The following ATXN10 variants were observed in gnomAD, a reference collection of about 807,000 sequenced individuals.
ATXN10 encodes ataxin-10.
ATXN10 carries 28 observed loss-of-function variants against 52.9 expected under a neutral mutation model. The observed-to-expected ratio is 0.53, with a 90% CI of 0.39 to 0.73. ATXN10 has a LOEUF of 0.73. Among genes scored for constraint, ATXN10 ranks in the 30% least tolerant of loss-of-function variants. The pLI is 0.00. For synonymous variants in ATXN10, 226 were observed against 221.5 expected (o/e 1.02, Z -0.18); for missense variants, 565 against 577.0 (o/e 0.98, Z 0.21).
chr22:45,688,755 A>G lies in ATXN10; in HGVS notation c.117-957A>G, dbSNP rs1189647736. On this transcript the variant is annotated intron_variant, in intron 1 of 11. Coordinates refer to ENST00000252934, the MANE Select transcript of ATXN10 (RefSeq NM_013236.4). The surrounding 1 kb of genome is among the most constrained non-coding windows in gnomAD (Gnocchi z 4.0). The stretch of plus-strand genomic sequence containing the variant: ...CACTGTGAATCTACAGCGAGAGCAG[A>G]AGGAGAAAATTCATATGGTCTGAAT... Among the ~76,000 whole-genome samples, 1 of 152,212 alleles carries G rather than the reference A, an allele frequency of 6.6e-6. No individual in the cohort carries two copies.
intron 10 of ATXN10, among the ~76,000 whole-genome samples, chr22:45,829,273 A>G (rs529464143): frequency 6.6e-6 from 1 of 152,286 alleles, no homozygotes; most frequent in South Asian, 2.1e-4. Flanking sequence ...TCAACAGCAA[A>G]CATAACTCCA....
rs1036097771 is a variant in ATXN10, at chr22:45,759,356, A to G, written c.1173+18818A>G. 6.6e-6 allele frequency among the ~76,000 whole-genome samples: 1 copy of G among 152,196 alleles called. No homozygotes were observed. The highest frequency in any genetic ancestry group is 1.5e-5 in the Non-Finnish European group (1 of 68,032). On this transcript the variant is annotated intron_variant, in intron 9 of 11. Transcript: ENST00000252934. The surrounding 1 kb of genome is among the most constrained non-coding windows in gnomAD (Gnocchi z 5.4). ...GTGAAACCCTGTCTCTACTAAAAATACAAAAAGTAGCCGGGCGTGGTGGCG... is the reference window on the plus strand; with the variant it reads ...GTGAAACCCTGTCTCTACTAAAAATGCAAAAAGTAGCCGGGCGTGGTGGCG...
At chr22:45,756,999 G>A (rs1019568049) in intron 9 of ATXN10, among the ~76,000 whole-genome samples, 3 of 152,170 alleles carry the variant, frequency 2.0e-5, no homozygotes, top group African/African-American at 7.2e-5. Context: ...TGAGGAAGAG[G>A]GAAGGAGTGG....
chr22:45,781,365 C>A lies in ATXN10; in HGVS notation c.1174-25594C>A, dbSNP rs142442735. ...TAGGGAGCATGAACAACCAGCTCTG[C>A]CCAGCAGTAGTGAGGCACCCCTCTC... On this transcript the variant is annotated intron_variant, in intron 9 of 11. Coordinates refer to ENST00000252934, the MANE Select transcript of ATXN10 (RefSeq NM_013236.4). The surrounding 1 kb of genome is among the most constrained non-coding windows in gnomAD (Gnocchi z 4.2). Among the ~76,000 whole-genome samples the A allele has an allele frequency of 2.1e-3, 323 of 152,264 alleles. 1 individual carries two copies. The highest frequency in any genetic ancestry group is 3.7e-3 in the Non-Finnish European group (251 of 68,022).
rs1273734902 is a variant in ATXN10, at chr22:45,840,224, C to G, written c.1238-2767C>G. On this transcript the variant is annotated intron_variant, in intron 10 of 11. Transcript: ENST00000252934. This position sits in a 1 kb window ranked among gnomAD's most constrained non-coding sequence, Gnocchi z 5.8. ...TTGAACATCCACTTTGTGCTGGGAACGAGACTCGGTGCTAGGATATCGAAG... is the reference window on the plus strand; with the variant it reads ...TTGAACATCCACTTTGTGCTGGGAAGGAGACTCGGTGCTAGGATATCGAAG... 6.6e-6 allele frequency among the ~76,000 whole-genome samples: 1 copy of G among 152,064 alleles called. No individual in the cohort carries two copies. The highest frequency in any genetic ancestry group is 1.5e-5 in the Non-Finnish European group (1 of 68,028).
At position 45,837,466 on chromosome 22, in the gene ATXN10, G is replaced by A. The variant is rs1418440309; in HGVS notation, c.1238-5525G>A. 6.6e-6 allele frequency among the ~76,000 whole-genome samples: 1 copy of A among 152,200 alleles called. No homozygotes were observed. Among genetic ancestry groups the A allele is most frequent in the Non-Finnish European group, 1.5e-5 (1 of 68,046 alleles). Reference sequence around the variant, plus strand: ...TTTAGTAGAGATGGGGTTTTACCATGTTGGCCAGGCTGGTCTCATACTCCT... The same window carrying A: ...TTTAGTAGAGATGGGGTTTTACCATATTGGCCAGGCTGGTCTCATACTCCT... On this transcript the variant is annotated intron_variant, in intron 10 of 11. Coordinates refer to ENST00000252934, the MANE Select transcript of ATXN10 (RefSeq NM_013236.4). The surrounding 1 kb of genome is among the most constrained non-coding windows in gnomAD (Gnocchi z 5.8).
rs1326488826 is a variant in ATXN10 at position 45,769,277 on chromosome 22, G to A, written c.1173+28739G>A. ...AAAAGAGTAACGTGTGCAGATGGGC[G>A]CCGTTCATCCCCTCTCCCCCATACA... On this transcript the variant is annotated intron_variant, in intron 9 of 11. Coordinates refer to ENST00000252934, the MANE Select transcript of ATXN10 (RefSeq NM_013236.4). The surrounding 1 kb of genome is among the most constrained non-coding windows in gnomAD (Gnocchi z 4.2). Among the ~76,000 whole-genome samples the A allele has an allele frequency of 6.6e-6, 1 of 152,042 alleles. No individual in the cohort carries two copies. Among genetic ancestry groups the A allele is most frequent in the Non-Finnish European group, 1.5e-5 (1 of 68,022 alleles).
rs368782158 is a variant in ATXN10, at chr22:45,739,567, T to C, written c.1003+728T>C. ...TGTATTTTGAGTACATTGCTTTTAG[T>C]GATAATTTAAATAAAACACCACAAA... On this transcript the variant is annotated intron_variant, in intron 8 of 11. Coordinates refer to ENST00000252934, the MANE Select transcript of ATXN10 (RefSeq NM_013236.4). Among the ~76,000 whole-genome samples, 11 of 152,304 alleles carry C rather than the reference T, an allele frequency of 7.2e-5. No individual in the cohort carries two copies. In the South Asian group the frequency reaches 1.7e-3, roughly 23 times the overall value.
intron 2 of ATXN10, 36 bp from the exon 3 acceptor site, chr22:45,692,960 G>T: frequency 6.4e-7 from 1 of 1,556,854 alleles, no homozygotes; most frequent in South Asian, 1.1e-5. Flanking sequence ...ATGAATGAAT[G>T]AACATGTCTA....
chr22:45,747,536 G>C (rs1368214129), intron 9 of ATXN10, among the ~76,000 whole-genome samples: 1 of 152,164 alleles, frequency 6.6e-6, no homozygotes, highest in East Asian at 1.9e-4. Context: ...CTGAGCAGTG[G>C]GTTCTCCTGT....
chr22:45,760,505 T>TAGTC (rs760082316), intron 9 of ATXN10: 52 of 154,060 alleles, frequency 3.4e-4, no homozygotes, highest in Non-Finnish European at 7.3e-5. Flanking sequence ...TGATAGGGTG[T>TAGTC]AGTCATATCC....
chr22:45,689,702 C>T lies in ATXN10; in HGVS notation c.117-10C>T. On this transcript the variant is annotated splice_polypyrimidine_tract_variant and intron_variant, in intron 1 of 11. Transcript: ENST00000252934. ...TTTTTCTGATTCGTGATAATTTTAT[C>T]CTTTTTCAGAGAAACAGCACCCAGG... 6.2e-7 allele frequency: 1 copy of T among 1,611,944 alleles called. No individual in the cohort carries two copies. Among genetic ancestry groups the T allele is most frequent in the Non-Finnish European group, 8.5e-7 (1 of 1,178,176 alleles).
In ATXN10 at chr22:45,732,559, T is replaced by C. The variant is rs551109472; in HGVS notation, c.894+2969T>C. On this transcript the variant is annotated intron_variant, in intron 7 of 11. Transcript: ENST00000252934. The surrounding 1 kb of genome is among the most constrained non-coding windows in gnomAD (Gnocchi z 4.5). ...TACATTTATGACTTGTGCGTATTAA[T>C]GCACATATGTCATACTTTTTTTTTT... 2.8e-4 allele frequency among the ~76,000 whole-genome samples: 42 copies of C among 152,178 alleles called. No individual in the cohort carries two copies. In the East Asian group the frequency reaches 7.9e-3, roughly 29 times the overall value.
At chr22:45,722,767 C>T (rs1569036759) in intron 6 of ATXN10, among the ~76,000 whole-genome samples, 1 of 152,064 alleles carries the variant, frequency 6.6e-6, no homozygotes, top group Non-Finnish European at 1.5e-5. Flanking sequence ...CACCTTGGGG[C>T]CCACCCTTCC....
chr22:45,674,052 C>T (rs536557554), intron 1 of ATXN10: 1 of 152,274 alleles, frequency 6.6e-6, no homozygotes, highest in African/African-American at 2.4e-5. Flanking sequence ...GCGATAAGAT[C>T]TGCCTGTTAG....
Position 45,769,274 on chromosome 22 carries a change from G to T in ATXN10, c.1173+28736G>T, listed in dbSNP as rs1926693162. Among the ~76,000 whole-genome samples, 1 of 151,994 alleles carries T rather than the reference G, an allele frequency of 6.6e-6. No individual in the cohort carries two copies. The highest frequency in any genetic ancestry group is 1.5e-5 in the Non-Finnish European group (1 of 67,988). On this transcript the variant is annotated intron_variant, in intron 9 of 11. Coordinates refer to ENST00000252934, the MANE Select transcript of ATXN10 (RefSeq NM_013236.4). The surrounding 1 kb of genome is among the most constrained non-coding windows in gnomAD (Gnocchi z 4.2). ...ATCAAAAGAGTAACGTGTGCAGATG[G>T]GCGCCGTTCATCCCCTCTCCCCCAT...
chr22:45,791,103 C>T (rs191091244), intron 9 of ATXN10, among the ~76,000 whole-genome samples: 2 of 152,332 alleles, frequency 1.3e-5, no homozygotes, highest in East Asian at 3.9e-4. Flanking sequence ...AAGCCAGCCT[C>T]CCTCTTTGGC....
In ATXN10 at chr22:45,844,018, C is replaced by T. The variant is rs552689857; in HGVS notation, c.*347C>T. The T allele has an allele frequency of 4.3e-4, 133 of 306,570 alleles. 3 individuals are homozygous for T. The South Asian group carries it at 6.0e-3, about 14-fold the overall frequency. The allele number at this position is 306,570 out of a possible 1,614,324, so 19.0% of individuals were successfully genotyped here. A position where few individuals can be genotyped will look rare whatever the true frequency, so the allele number is the denominator to read the frequency against. On this transcript the variant is annotated 3_prime_UTR_variant, in exon 12 of 12. Transcript: ENST00000252934. ...TGGATGTTGGCTTGACTGTGTTTGTCCCTTCAGATGGCAAGTCAGCATCAT... is the reference window on the plus strand; with the variant it reads ...TGGATGTTGGCTTGACTGTGTTTGTTCCTTCAGATGGCAAGTCAGCATCAT...
In ATXN10 at chr22:45,825,785, A is replaced by G. The variant is rs1278405518; in HGVS notation, c.1238-17206A>G. 6.6e-6 allele frequency among the ~76,000 whole-genome samples: 1 copy of G among 152,218 alleles called. No homozygotes were observed. The highest frequency in any genetic ancestry group is 1.5e-5 in the Non-Finnish European group (1 of 68,040). On this transcript the variant is annotated intron_variant, in intron 10 of 11. Coordinates refer to ENST00000252934, the MANE Select transcript of ATXN10 (RefSeq NM_013236.4). The surrounding 1 kb of genome is among the most constrained non-coding windows in gnomAD (Gnocchi z 4.5). ...GGAACGTGTGGAAAATCAATAAAAC[A>G]ATATATGGACAAGCCCAGGTGCAGT...
Sources: allele counts gnomAD v4.1 joint callset (sites outside exome capture counted in the v4.1 genomes callset), GRCh38; gene constraint gnomAD v4.1.1; non-coding constraint Gnocchi (gnomAD v3.1); transcripts MANE v1.5; gene names NCBI Gene and HGNC (gene_info 2026-07-23, HGNC 2026-07-21).